THSD7B: variants seen among roughly 807,000 people sequenced by gnomAD.
The protein encoded by THSD7B is thrombospondin type 1 domain containing 7B.
In THSD7B, 138 loss-of-function variants were observed where a neutral mutation model predicts 213.6. That is an observed-to-expected ratio of 0.65 (90% CI 0.56 to 0.74). The LOEUF is 0.74. Ranked by LOEUF, THSD7B falls within the 30% of genes least tolerant of loss-of-function variation. THSD7B has a pLI of 0.00. For missense variants in THSD7B, 1,931 were observed against 1,991.5 expected, an observed-to-expected ratio of 0.97 and a Z score of 0.58; for synonymous variants, 742 against 687.0, an observed-to-expected ratio of 1.08 and a Z score of -1.25.
chr2:136,902,977 C>T (rs1312121178), intron 2 of THSD7B, among the ~76,000 whole-genome samples: 1 of 152,184 alleles, frequency 6.6e-6, no homozygotes, highest in Non-Finnish European at 1.5e-5. Flanking sequence ...ATGAAATTGG[C>T]TTGTGTCCAG....
chr2:136,831,129 C>CTCT (rs1553451487), intron 1 of THSD7B, among the ~76,000 whole-genome samples: 3 of 119,892 alleles, frequency 2.5e-5, no homozygotes, highest in Non-Finnish European at 5.0e-5. Flanking sequence ...CCTGTAGAAT[C>CTCT]TTTTTTTTTT....
At chr2:137,185,484 G>C (rs981918290) in intron 7 of THSD7B, among the ~76,000 whole-genome samples, 13 of 152,058 alleles carry the variant, frequency 8.5e-5, no homozygotes, top group Non-Finnish European at 1.6e-4. Context: ...GATAAGTGAG[G>C]ATATGCAGTA....
At chr2:136,948,737 G>T (rs1684985922) in intron 2 of THSD7B, among the ~76,000 whole-genome samples, 1 of 152,092 alleles carries the variant, frequency 6.6e-6, no homozygotes, top group Non-Finnish European at 1.5e-5. Flanking sequence ...AGTGCTAAAA[G>T]CTTTACAGAT....
Position 136,994,420 on chromosome 2 carries a change from A to T in THSD7B, c.140-62000A>T, listed in dbSNP as rs565704181. ...TCTCTACTAAAAATAAAAAAAAATTAGCTGGGCGTGGTGGCGGGCGCCTTT... is the reference window on the plus strand; with the variant it reads ...TCTCTACTAAAAATAAAAAAAAATTTGCTGGGCGTGGTGGCGGGCGCCTTT... On this transcript the variant is annotated intron_variant, in intron 2 of 27. Coordinates refer to ENST00000409968, the MANE Select transcript of THSD7B (RefSeq NM_001316349.2). Among the ~76,000 whole-genome samples, 5 of 152,134 alleles carry T rather than the reference A, an allele frequency of 3.3e-5. No homozygotes were observed. The East Asian group carries it at 9.7e-4, about 29-fold the overall frequency.
At chr2:137,567,369 G>A (rs1052901396) in intron 16 of THSD7B, among the ~76,000 whole-genome samples, 2 of 151,828 alleles carry the variant, frequency 1.3e-5, no homozygotes, top group Admixed American at 6.6e-5. Flanking sequence ...GTTTCACCAC[G>A]TTGGCCAGGC....
intron 1 of THSD7B, among the ~76,000 whole-genome samples, chr2:136,858,529 A>G (rs548138069): frequency 6.6e-6 from 1 of 152,338 alleles, no homozygotes; most frequent in East Asian, 1.9e-4. Flanking sequence ...CTTTTACACA[A>G]TACACACTAT....
chr2:137,311,565 G>A (rs1178116085), intron 12 of THSD7B, among the ~76,000 whole-genome samples: 3 of 151,998 alleles, frequency 2.0e-5, no homozygotes, highest in African/African-American at 7.2e-5. Flanking sequence ...GGTGAGAGAG[G>A]GCATCCCTCT....
intron 15 of THSD7B, among the ~76,000 whole-genome samples, chr2:137,530,514 T>C (rs1680376823): frequency 6.6e-6 from 1 of 152,000 alleles, no homozygotes; most frequent in African/African-American, 2.4e-5. Context: ...GACAACAAAA[T>C]AGAGCTTCAA....
intron 5 of THSD7B, among the ~76,000 whole-genome samples, chr2:137,118,168 A>G (rs1688478730): frequency 6.6e-6 from 1 of 152,198 alleles, no homozygotes; most frequent in Non-Finnish European, 1.5e-5. Context: ...TAAAGAGAAT[A>G]GTGTTTCTCT....
At chr2:137,341,278 A>G (rs1185455578) in intron 12 of THSD7B, among the ~76,000 whole-genome samples, 1 of 150,968 alleles carries the variant, frequency 6.6e-6, no homozygotes, top group African/African-American at 2.4e-5. Context: ...TCCCTTGCCC[A>G]TTTTTTAATT....
chr2:137,518,701 A>G (rs374844590), intron 15 of THSD7B, among the ~76,000 whole-genome samples: 14 of 152,212 alleles, frequency 9.2e-5, no homozygotes, highest in African/African-American at 2.9e-4. Flanking sequence ...TCATTGCCCA[A>G]TGGGCCCATG....
intron 5 of THSD7B, among the ~76,000 whole-genome samples, chr2:137,118,472 A>G (rs1290698335): frequency 6.6e-6 from 1 of 152,228 alleles, no homozygotes; most frequent in African/African-American, 2.4e-5. Flanking sequence ...GTATATGGTA[A>G]AGCAAAATTT....
chr2:136,905,464 A>G (rs925649111), intron 2 of THSD7B, among the ~76,000 whole-genome samples: 1 of 152,224 alleles, frequency 6.6e-6, no homozygotes, highest in African/African-American at 2.4e-5. Context: ...GTTTTGAACA[A>G]TGGAAAAGAG....
intron 8 of THSD7B, among the ~76,000 whole-genome samples, chr2:137,232,640 C>A (rs953827670): frequency 6.6e-6 from 1 of 152,114 alleles, no homozygotes; most frequent in African/African-American, 2.4e-5. Context: ...CAGTGGTGGG[C>A]AACAGAGTCA....
chr2:137,418,585 C>T (rs1023389441), intron 14 of THSD7B, among the ~76,000 whole-genome samples: 1 of 152,130 alleles, frequency 6.6e-6, no homozygotes, highest in African/African-American at 2.4e-5. Flanking sequence ...TTGAAATGTA[C>T]AATAGGTTAA....
At chr2:136,781,226 T>C (rs1438146323) in intron 1 of THSD7B, among the ~76,000 whole-genome samples, 1 of 151,098 alleles carries the variant, frequency 6.6e-6, no homozygotes, top group Non-Finnish European at 1.5e-5. Context: ...ATTTTATCAC[T>C]GGGAAAATGG....
At chr2:137,142,161 A>G (rs1268192896) in intron 5 of THSD7B, among the ~76,000 whole-genome samples, 1 of 152,194 alleles carries the variant, frequency 6.6e-6, no homozygotes, top group Non-Finnish European at 1.5e-5. Context: ...CATTTATAAT[A>G]GACAGAAATT....
intron 15 of THSD7B, among the ~76,000 whole-genome samples, chr2:137,531,115 G>A (rs1326878340): frequency 4.0e-5 from 6 of 151,866 alleles, no homozygotes; most frequent in African/African-American, 1.2e-4. Context: ...TAGTAAACAG[G>A]CTCACTCTAG....
At chr2:137,235,445 A>C (rs1171442934) in intron 9 of THSD7B, among the ~76,000 whole-genome samples, 1 of 152,182 alleles carries the variant, frequency 6.6e-6, no homozygotes, top group Non-Finnish European at 1.5e-5. Flanking sequence ...TTTATTTTTT[A>C]GCAAAGGGGC....
Sources: gnomAD v4.1 joint callset for allele counts (sites outside exome capture counted in the v4.1 genomes callset) on GRCh38, gnomAD v4.1.1 for gene constraint, MANE v1.5 for transcripts, NCBI Gene and HGNC (gene_info 2026-07-23, HGNC 2026-07-21) for gene names.